SPAG6: variants seen among roughly 807,000 people sequenced by gnomAD.
The protein encoded by SPAG6 is sperm-associated antigen 6.
Under a neutral mutation model 58.5 loss-of-function variants are expected in SPAG6, and 49 were observed. That is an observed-to-expected ratio of 0.84 (90% CI 0.67 to 1.06). The LOEUF (loss-of-function observed/expected upper bound fraction) is 1.06. Among genes scored for constraint, SPAG6 ranks in the 50% least tolerant of loss-of-function variants. The probability of loss-of-function intolerance (pLI) is 0.00; values close to 1 mark genes in which losing one functional copy is unlikely to be tolerated. For missense variants in SPAG6, 560 were observed against 611.3 expected, an observed-to-expected ratio of 0.92 and a Z score of 0.89; for synonymous variants, 233 against 225.6, an observed-to-expected ratio of 1.03 and a Z score of -0.29.
At chr10:22,379,305 T>A (rs1280892025) in intron 4 of SPAG6, among the ~76,000 whole-genome samples, 2 of 152,204 alleles carry the variant, frequency 1.3e-5, no homozygotes, top group Admixed American at 1.3e-4. Flanking sequence ...GCAGCCTCCA[T>A]GATGCCTGCC....
intron 2 of SPAG6, among the ~76,000 whole-genome samples, chr10:22,364,442 A>G (rs1183343842): frequency 6.6e-6 from 1 of 152,208 alleles, no homozygotes; most frequent in Non-Finnish European, 1.5e-5. Context: ...TTTGGAGATA[A>G]TACGCAGGTG....
At chr10:22,410,763 G>T (rs547270275) in intron 9 of SPAG6, among the ~76,000 whole-genome samples, 13 of 152,306 alleles carry the variant, frequency 8.5e-5, no homozygotes, top group South Asian at 2.1e-4. Context: ...ACCTTGAATG[G>T]TGTAAGCTTT....
intron 2 of SPAG6, among the ~76,000 whole-genome samples, chr10:22,346,675 TA>T (rs1836567478): frequency 6.6e-6 from 1 of 152,072 alleles, no homozygotes; most frequent in Non-Finnish European, 1.5e-5. Flanking sequence ...TTTAAACAAT[TA>T]ACATGTTGAC....
rs745350922 is a variant in SPAG6, at chr10:22,364,921, G to A, written c.190G>A (p.Ala64Thr). ...AACAATTCAACAGACTGCTGCTTTG[G>A]CTCTTGGGAGACTGGCCAATTATAA... is the stretch of plus-strand genomic sequence containing the variant. ...VPTIQQTAAL[A>T]LGRLANYNDD... The change falls in exon 3 of 11, where the codon GCT becomes ACT. Residue 64 changes from alanine to threonine, a missense_variant. Physicochemically the swap from Ala to Thr is moderately conservative, Grantham distance 58. Transcript: ENST00000376624. 1.9e-6 allele frequency: 3 copies of A among 1,613,324 alleles called. No individual in the cohort carries two copies. The highest frequency in any genetic ancestry group is 2.2e-5 in the South Asian group (2 of 91,044).
intron 2 of SPAG6, among the ~76,000 whole-genome samples, chr10:22,359,749 C>G (rs1454365503): frequency 6.6e-6 from 1 of 152,092 alleles, no homozygotes; most frequent in African/African-American, 2.4e-5. Context: ...ACCAAGGCAA[C>G]AAGATAACTT....
intron 9 of SPAG6, 28 bp downstream of exon 9, chr10:22,401,305 G>T: frequency 9.3e-7 from 1 of 1,078,358 alleles, no homozygotes; most frequent in Non-Finnish European, 1.4e-6. Flanking sequence ...CTAAGGGGAG[G>T]AAGAAAATTA....
intron 2 of SPAG6, among the ~76,000 whole-genome samples, chr10:22,347,519 T>C (rs1234728410): frequency 1.3e-5 from 2 of 152,234 alleles, no homozygotes; most frequent in African/African-American, 4.8e-5. Context: ...TTCTGGACAA[T>C]ATGAATATAG....
At chr10:22,388,782 C>T (rs532928774) in intron 6 of SPAG6, among the ~76,000 whole-genome samples, 1 of 152,296 alleles carries the variant, frequency 6.6e-6, no homozygotes, top group East Asian at 1.9e-4. Flanking sequence ...TCAAGTCCGA[C>T]ATTGTCTTTC....
chr10:22,394,555 A>G (rs1488961485), intron 8 of SPAG6, among the ~76,000 whole-genome samples: 1 of 152,118 alleles, frequency 6.6e-6, no homozygotes, highest in East Asian at 1.9e-4. Flanking sequence ...CATCACCACT[A>G]TCTAATTTTA....
chr10:22,406,565 A>G (rs1834561698), intron 9 of SPAG6, among the ~76,000 whole-genome samples: 1 of 152,166 alleles, frequency 6.6e-6, no homozygotes, highest in East Asian at 1.9e-4. Flanking sequence ...CAAGTATGTG[A>G]TCAATTTTGG....
chr10:22,349,808 A>G (rs1440415441), intron 2 of SPAG6, among the ~76,000 whole-genome samples: 3 of 152,192 alleles, frequency 2.0e-5, no homozygotes, highest in African/African-American at 7.2e-5. Context: ...GATTGAGGCA[A>G]CTTAATGGGT....
At chr10:22,362,490 C>T (rs1837073446) in intron 2 of SPAG6, among the ~76,000 whole-genome samples, 1 of 151,694 alleles carries the variant, frequency 6.6e-6, no homozygotes, top group African/African-American at 2.4e-5. Context: ...CCTGTAATTC[C>T]AGCACTGTGG....
intron 9 of SPAG6, among the ~76,000 whole-genome samples, chr10:22,406,969 T>C (rs1240732589): frequency 1.3e-5 from 2 of 152,078 alleles, no homozygotes; most frequent in East Asian, 1.9e-4. Context: ...CCCCTACCTT[T>C]TTTTGTTTTC....
At chr10:22,361,328 G>C (rs1206387043) in intron 2 of SPAG6, 1 of 152,702 alleles carries the variant, frequency 6.5e-6, no homozygotes, top group Non-Finnish European at 1.5e-5. Context: ...GAAGAGAATT[G>C]TGAGTCATTT....
intron 10 of SPAG6, among the ~76,000 whole-genome samples, chr10:22,415,904 C>T (rs372491328): frequency 2.6e-5 from 4 of 151,892 alleles, no homozygotes; most frequent in Non-Finnish European, 5.9e-5. Context: ...ATTTCCATGA[C>T]GTATTAAGCA....
At chr10:22,400,559 T>C (rs1203497621) in intron 8 of SPAG6, among the ~76,000 whole-genome samples, 4 of 151,556 alleles carry the variant, frequency 2.6e-5, no homozygotes, top group Non-Finnish European at 4.4e-5. Flanking sequence ...TTGTGGGTGA[T>C]ACACTCCCTG....
At chr10:22,387,058 A>T in intron 5 of SPAG6, 99 bp downstream of exon 5, 2 of 867,010 alleles carry the variant, frequency 2.3e-6, no homozygotes, top group Non-Finnish European at 1.8e-6. Context: ...AATAATTAGC[A>T]AATTATCATT....
In SPAG6 at chr10:22,345,539, C is replaced by T. The variant is rs1836493501; in HGVS notation, c.-73C>T. On this transcript the variant is annotated 5_prime_UTR_variant, in exon 1 of 11. Transcript: ENST00000376624. This position sits in a 1 kb window ranked among gnomAD's most constrained non-coding sequence, Gnocchi z 6.3. ...GGAGGCCGAGTCGTCGCCACGATCG[C>T]CCCCTTGGTGGACTCGCAGGCCGAG... The T allele has an allele frequency of 1.5e-6, 2 of 1,332,014 alleles. No homozygotes were observed. The highest frequency in any genetic ancestry group is 2.0e-6 in the Non-Finnish European group (2 of 977,494). 82.5% of individuals were successfully genotyped at this position (1,332,014 alleles called of 1,614,324 possible).
At chr10:22,348,306 A>T (rs1229353253) in intron 2 of SPAG6, among the ~76,000 whole-genome samples, 2 of 152,210 alleles carry the variant, frequency 1.3e-5, no homozygotes, top group African/African-American at 2.4e-5. Flanking sequence ...TTACTTAACC[A>T]TTCAAATGAT....
Sources: allele counts gnomAD v4.1 joint callset (sites outside exome capture counted in the v4.1 genomes callset), GRCh38; gene constraint gnomAD v4.1.1; non-coding constraint Gnocchi (gnomAD v3.1); transcripts MANE v1.5; gene names NCBI Gene and HGNC (gene_info 2026-07-23, HGNC 2026-07-21).